The following CENPW variants were observed in gnomAD, a reference collection of about 807,000 sequenced individuals.
CENPW encodes cancer-up-regulated gene 2 protein.
Under a neutral mutation model 11.1 loss-of-function variants are expected in CENPW, and 3 were observed. The observed-to-expected ratio is 0.27, with a 90% CI of 0.12 to 0.70. CENPW has a LOEUF of 0.70. Ranked by LOEUF, CENPW falls within the 30% of genes least tolerant of loss-of-function variation. The probability of loss-of-function intolerance (pLI) is 0.77; values close to 1 mark genes in which losing one functional copy is unlikely to be tolerated. For synonymous variants in CENPW, 38 were observed against 42.0 expected (o/e 0.91, Z 0.37); for missense variants, 100 against 105.6 (o/e 0.95, Z 0.23).
At chr6:126,416,267 A>G in the CENPW span, among the ~76,000 whole-genome samples, 1 of 152,200 alleles carries the variant, frequency 6.6e-6, no homozygotes, top group African/African-American at 2.4e-5. Context: ...ATCTGGTGGA[A>G]GAAATTTCTA....
chr6:126,413,851 C>T, the CENPW span, among the ~76,000 whole-genome samples: 3 of 151,968 alleles, frequency 2.0e-5, no homozygotes, highest in South Asian at 6.2e-4. Context: ...TGGATTAAAT[C>T]CCCCACTTAA....
In CENPW at chr6:126,340,130, G is replaced by T; in HGVS notation, c.-144G>T. 1.3e-6 allele frequency: 1 copy of T among 777,388 alleles called. No homozygotes were observed. Among genetic ancestry groups the T allele is most frequent in the South Asian group, 1.7e-5 (1 of 59,408 alleles). The allele number at this position is 777,388 out of a possible 1,614,324, so 48.2% of individuals were successfully genotyped here. ...CGCCGGGCGCGTTCCGTTGGCGGCG[G>T]ATTCGAACGTTCGGACTGAGGTTTT... On this transcript the variant is annotated 5_prime_UTR_variant, in exon 1 of 3. Coordinates refer to ENST00000368328, the MANE Select transcript of CENPW (RefSeq NM_001012507.4).
the CENPW span, among the ~76,000 whole-genome samples, chr6:126,417,251 G>C: frequency 6.6e-6 from 1 of 152,156 alleles, no homozygotes; most frequent in Non-Finnish European, 1.5e-5. Flanking sequence ...TGGAATGGCT[G>C]TATTTAATGC....
At chr6:126,386,248 C>T in the CENPW span, among the ~76,000 whole-genome samples, 1 of 151,998 alleles carries the variant, frequency 6.6e-6, no homozygotes, top group Non-Finnish European at 1.5e-5. Context: ...TACTTTCTTT[C>T]CCACTTGTAA....
chr6:126,354,093 G>A, the CENPW span, among the ~76,000 whole-genome samples: 1 of 150,918 alleles, frequency 6.6e-6, no homozygotes, highest in Non-Finnish European at 1.5e-5. Context: ...TGATCATGTA[G>A]TACTGTCTTT....
the CENPW span, among the ~76,000 whole-genome samples, chr6:126,432,481 A>T: frequency 2.6e-5 from 4 of 152,054 alleles, no homozygotes; most frequent in African/African-American, 7.2e-5. Flanking sequence ...AGTTTTTTTT[A>T]AATTAGCTTT....
chr6:126,473,333 T>C, the CENPW span, among the ~76,000 whole-genome samples: 1 of 152,146 alleles, frequency 6.6e-6, no homozygotes, highest in African/African-American at 2.4e-5. Context: ...CTATAAAAAA[T>C]TGGCAAACTT....
chr6:126,368,065 A>C, the CENPW span, among the ~76,000 whole-genome samples: 1 of 152,188 alleles, frequency 6.6e-6, no homozygotes, highest in African/African-American at 2.4e-5. Flanking sequence ...TGGTGGCTTA[A>C]CTATTTCATC....
chr6:126,395,180 G>T, the CENPW span, among the ~76,000 whole-genome samples: 345 of 151,884 alleles, frequency 2.3e-3, 2 homozygotes, highest in Middle Eastern at 0.017. Flanking sequence ...CCCTTTTGAG[G>T]CTATTTTCTA....
the CENPW span, among the ~76,000 whole-genome samples, chr6:126,408,947 T>C: frequency 3.3e-5 from 5 of 152,000 alleles, no homozygotes; most frequent in Non-Finnish European, 7.4e-5. Flanking sequence ...TTTTTTAGTT[T>C]TATTTTATGT....
the CENPW span, among the ~76,000 whole-genome samples, chr6:126,407,238 T>C: frequency 6.6e-6 from 1 of 152,212 alleles, no homozygotes; most frequent in Non-Finnish European, 1.5e-5. Context: ...TCCAGCTCCA[T>C]CCACGCCCCT....
chr6:126,436,011 ATGATACCTTT>A, the CENPW span, among the ~76,000 whole-genome samples: 1 of 152,008 alleles, frequency 6.6e-6, no homozygotes, highest in East Asian at 1.9e-4. Flanking sequence ...GTCAATTGAG[ATGATACCTTT>A]TGGGACCAAC....
the CENPW span, among the ~76,000 whole-genome samples, chr6:126,375,986 C>T: frequency 6.6e-6 from 1 of 152,076 alleles, no homozygotes; most frequent in African/African-American, 2.4e-5. Flanking sequence ...TCATTATAGC[C>T]TTAGTTGGCC....
chr6:126,371,759 C>G, the CENPW span, among the ~76,000 whole-genome samples: 3 of 152,048 alleles, frequency 2.0e-5, no homozygotes, highest in South Asian at 6.2e-4. Flanking sequence ...ATCTCACTAC[C>G]TGTTATTGGT....
the CENPW span, among the ~76,000 whole-genome samples, chr6:126,471,705 A>G: frequency 6.6e-6 from 1 of 152,176 alleles, no homozygotes; most frequent in Non-Finnish European, 1.5e-5. Context: ...GATATACAAA[A>G]AGGTACATCC....
the CENPW span, among the ~76,000 whole-genome samples, chr6:126,450,739 T>C: frequency 1.3e-5 from 2 of 151,038 alleles, no homozygotes; most frequent in Non-Finnish European, 3.0e-5. Context: ...GAATGTTATA[T>C]ATTAATTTAC....
the CENPW span, among the ~76,000 whole-genome samples, chr6:126,380,615 G>C: frequency 1.3e-5 from 2 of 152,240 alleles, no homozygotes; most frequent in African/African-American, 4.8e-5. Flanking sequence ...GGCACCCACT[G>C]TCTTAACTCT....
the CENPW span, among the ~76,000 whole-genome samples, chr6:126,413,412 A>G: frequency 4.6e-5 from 7 of 152,150 alleles, no homozygotes; most frequent in Non-Finnish European, 8.8e-5. Context: ...CTTATATGCC[A>G]GGAGAAAATA....
At chr6:126,404,839 A>G in the CENPW span, among the ~76,000 whole-genome samples, 1 of 137,056 alleles carries the variant, frequency 7.3e-6, no homozygotes, top group Non-Finnish European at 1.6e-5. Context: ...CCCATTTTTT[A>G]GTTAAAGTAT....
Sources: gnomAD v4.1 joint callset for allele counts (sites outside exome capture counted in the v4.1 genomes callset) on GRCh38, gnomAD v4.1.1 for gene constraint, MANE v1.5 for transcripts, NCBI Gene and HGNC (gene_info 2026-07-23, HGNC 2026-07-21) for gene names.